KCNJ12: variants seen among roughly 807,000 people sequenced by gnomAD.
KCNJ12 encodes ATP-sensitive inward rectifier potassium channel 12.
In KCNJ12, 2 loss-of-function variants were observed where a neutral mutation model predicts 22.3. The observed-to-expected ratio is 0.09, with a 90% confidence interval of 0.04 to 0.28. The LOEUF (loss-of-function observed/expected upper bound fraction) is 0.28. Among genes scored for constraint, KCNJ12 ranks in the 10% least tolerant of loss-of-function variants. The probability of loss-of-function intolerance (pLI) is 1.00; values close to 1 mark genes in which losing one functional copy is unlikely to be tolerated. For synonymous variants in KCNJ12, 117 were observed against 261.4 expected (o/e 0.45, Z 5.33); for missense variants, 155 against 633.3 (o/e 0.24, Z 8.11).
intron 1 of KCNJ12, among the ~76,000 whole-genome samples, chr17:21,393,268 A>G (rs1555559522): frequency 1.3e-5 from 2 of 152,100 alleles, no homozygotes; most frequent in East Asian, 1.9e-4. Flanking sequence ...TCTGGGACCC[A>G]TGGTGCTTTT....
intron 2 of KCNJ12, among the ~76,000 whole-genome samples, chr17:21,410,358 A>G (rs1375223029): frequency 6.6e-6 from 1 of 152,250 alleles, no homozygotes; most frequent in Non-Finnish European, 1.5e-5. Flanking sequence ...CATCTGATGA[A>G]TGGTGCCTGG....
At chr17:21,412,181 C>A (rs1301561628) in intron 2 of KCNJ12, among the ~76,000 whole-genome samples, 1 of 152,294 alleles carries the variant, frequency 6.6e-6, no homozygotes, top group Non-Finnish European at 1.5e-5. Flanking sequence ...GGGAGTGGGG[C>A]ATGAACTTGA....
intron 2 of KCNJ12, among the ~76,000 whole-genome samples, chr17:21,411,029 C>G (rs1270019310): frequency 6.6e-6 from 1 of 152,310 alleles, no homozygotes; most frequent in Non-Finnish European, 1.5e-5. Flanking sequence ...CCTCCCCCTC[C>G]GAGTCCCTAT....
intron 2 of KCNJ12, among the ~76,000 whole-genome samples, chr17:21,412,028 T>TCA (rs146886374): frequency 0.11 from 12,042 of 110,410 alleles, no homozygotes; most frequent in African/African-American, 0.26. Context: ...TCTCTCTCTC[T>TCA]CACACACACA....
rs781934616 is a variant in KCNJ12 at position 21,415,984 on chromosome 17, T to C, written c.642T>C (p.Arg214=). 6.2e-7 allele frequency: 1 copy of C among 1,611,378 alleles called. No individual in the cohort carries two copies. Among genetic ancestry groups the C allele is most frequent in the South Asian group, 1.1e-5 (1 of 91,028 alleles). Residue 214 remains arginine, a synonymous_variant, in exon 3 of 3, where the codon CGT becomes CGC. Coordinates refer to ENST00000583088, the MANE Select transcript of KCNJ12 (RefSeq NM_021012.5). ...LRDGKLCLMW[R]VGNLRKSHIV... ...ACGGCAAGCTCTGCCTCATGTGGCG[T>C]GTGGGTAACCTGCGCAAGAGCCACA... is the stretch of plus-strand genomic sequence containing the variant.
chr17:21,407,406 T>A (rs1327477706), intron 1 of KCNJ12, among the ~76,000 whole-genome samples: 4 of 150,754 alleles, frequency 2.7e-5, no homozygotes, highest in Admixed American at 1.3e-4. Context: ...CATCCATTAA[T>A]CTGTTCATCC....
chr17:21,389,658 G>C (rs1182798849), intron 1 of KCNJ12, among the ~76,000 whole-genome samples: 1 of 152,072 alleles, frequency 6.6e-6, no homozygotes, highest in African/African-American at 2.4e-5. Flanking sequence ...GAGGGTGGGG[G>C]TGTGGTGGGG....
At chr17:21,377,037 G>A (rs1220177500) in intron 1 of KCNJ12, 124 bp downstream of exon 1, 1 of 152,286 alleles carries the variant, frequency 6.6e-6, no homozygotes, top group African/African-American at 2.4e-5. Context: ...GGAAGGTGGA[G>A]CGGGAGGGTG....
At chr17:21,381,114 C>T (rs1481232476) in intron 1 of KCNJ12, among the ~76,000 whole-genome samples, 10 of 152,310 alleles carry the variant, frequency 6.6e-5, no homozygotes, top group Admixed American at 5.2e-4. Flanking sequence ...TCCGCCTTGG[C>T]TGTGCATTAA....
intron 1 of KCNJ12, among the ~76,000 whole-genome samples, chr17:21,382,849 A>AC (rs1904921457): frequency 6.6e-6 from 1 of 152,182 alleles, no homozygotes; most frequent in Non-Finnish European, 1.5e-5. Context: ...TAACATGAGG[A>AC]CTGGCAGCAG....
At chr17:21,381,962 A>G (rs1904882918) in intron 1 of KCNJ12, among the ~76,000 whole-genome samples, 1 of 152,228 alleles carries the variant, frequency 6.6e-6, no homozygotes. Flanking sequence ...AATGGTAGCC[A>G]GCATTGTCAG....
rs568505976 is a variant in KCNJ12, at chr17:21,397,204, C to T, written c.-178-11315C>T. On this transcript the variant is annotated intron_variant, in intron 1 of 2. Coordinates refer to ENST00000583088, the MANE Select transcript of KCNJ12 (RefSeq NM_021012.5). ...TTCTCTGGAGCTTAGTTTCCTCATC[C>T]GTCCAATGGGGATAATAGCAGACTC... 2.6e-5 allele frequency among the ~76,000 whole-genome samples: 4 copies of T among 152,308 alleles called. No homozygotes were observed. The South Asian group carries it at 6.2e-4, about 24-fold the overall frequency.
At chr17:21,383,456 A>T (rs1904955354) in intron 1 of KCNJ12, among the ~76,000 whole-genome samples, 1 of 152,190 alleles carries the variant, frequency 6.6e-6, no homozygotes, top group African/African-American at 2.4e-5. Context: ...GGGTCCTGGC[A>T]TGATCACAGG....
Position 21,384,423 on chromosome 17 carries a change from C to T in KCNJ12, c.-179+7510C>T, listed in dbSNP as rs138905627. ...AGTACCAGGAGAGGTACCGAGTCCTCGCCTGGGTGCCTCCTTCGTCACATC... is the reference window on the plus strand; with the variant it reads ...AGTACCAGGAGAGGTACCGAGTCCTTGCCTGGGTGCCTCCTTCGTCACATC... On this transcript the variant is annotated intron_variant, in intron 1 of 2. Transcript: ENST00000583088. 6.3e-3 allele frequency among the ~76,000 whole-genome samples: 952 copies of T among 152,238 alleles called. 12 individuals carry two copies. Among genetic ancestry groups the T allele is most frequent in the African/African-American group, 0.021 (863 of 41,546 alleles).
At chr17:21,380,345 G>A (rs1448201779) in intron 1 of KCNJ12, among the ~76,000 whole-genome samples, 1 of 152,180 alleles carries the variant, frequency 6.6e-6, no homozygotes, top group Non-Finnish European at 1.5e-5. Flanking sequence ...GCCTAGCTGT[G>A]GCCCCTGTGC....
At chr17:21,412,418 T>A (rs1357403103) in intron 2 of KCNJ12, among the ~76,000 whole-genome samples, 1 of 152,306 alleles carries the variant, frequency 6.6e-6, no homozygotes, top group African/African-American at 2.4e-5. Flanking sequence ...TTAATTCTTG[T>A]GATTCTGTTC....
chr17:21,385,451 G>C (rs1366129587), intron 1 of KCNJ12, among the ~76,000 whole-genome samples: 2 of 152,132 alleles, frequency 1.3e-5, no homozygotes, highest in Non-Finnish European at 2.9e-5. Flanking sequence ...TCTGCTGTGT[G>C]GCCGGAGGCT....
chr17:21,379,001 AGCTCTTTCCAGGCCAGGC>A (rs1433579843), intron 1 of KCNJ12, among the ~76,000 whole-genome samples: 4 of 152,174 alleles, frequency 2.6e-5, no homozygotes, highest in African/African-American at 9.7e-5. Flanking sequence ...GCCTTCACCT[AGCTCTTTCCAGGCCAGGC>A]GCTTACCCCA....
intron 2 of KCNJ12, among the ~76,000 whole-genome samples, chr17:21,414,909 G>A (rs1906604920): frequency 6.6e-6 from 1 of 152,312 alleles, no homozygotes; most frequent in South Asian, 2.1e-4. Flanking sequence ...GCCCTCTGTG[G>A]CTGCCATGGA....
Sources: allele counts gnomAD v4.1 joint callset (sites outside exome capture counted in the v4.1 genomes callset), GRCh38; gene constraint gnomAD v4.1.1; transcripts MANE v1.5; gene names NCBI Gene and HGNC (gene_info 2026-07-23, HGNC 2026-07-21).